ARMH3: variants seen among roughly 807,000 people sequenced by gnomAD.
ARMH3 encodes armadillo-like helical domain-containing protein 3.
In ARMH3, 60 loss-of-function variants were observed where a neutral mutation model predicts 99.1. That is an observed-to-expected ratio of 0.61 (90% CI 0.49 to 0.75). ARMH3 has a LOEUF of 0.75. ARMH3 is among the 30% of genes least tolerant of loss of function. The pLI, the probability that ARMH3 is intolerant of heterozygous loss-of-function variation, is 0.00. For missense variants in ARMH3, 679 were observed against 843.1 expected (o/e 0.81, Z 2.41); for synonymous variants, 285 against 292.8 (o/e 0.97, Z 0.27).
chr10:102,053,343 A>AT (rs1483363777), intron 1 of ARMH3, among the ~76,000 whole-genome samples: 1 of 151,592 alleles, frequency 6.6e-6, no homozygotes, highest in Non-Finnish European at 1.5e-5. Flanking sequence ...ATTTAAAATA[A>AT]TTTTTTTTCC....
rs185507197 is a variant in ARMH3 at position 101,947,333 on chromosome 10, C to T, written c.1706-7395G>A. Among the ~76,000 whole-genome samples the T allele has an allele frequency of 1.7e-3, 264 of 151,932 alleles. 1 individual carries two copies. The highest frequency in any genetic ancestry group is 5.9e-3 in the African/African-American group (244 of 41,432). ...CAAAGTACTTAAAGATAAAAATTAC[C>T]AACTAAAAATTCTATATCCAGCTGG... On this transcript the variant is annotated intron_variant, in intron 22 of 25. Coordinates refer to ENST00000370033, the MANE Select transcript of ARMH3 (RefSeq NM_024541.3).
chr10:101,869,163 T>A (rs1409343617), intron 24 of ARMH3, among the ~76,000 whole-genome samples: 1 of 152,084 alleles, frequency 6.6e-6, no homozygotes, highest in Non-Finnish European at 1.5e-5. Context: ...AATTTTCAAC[T>A]GCACAGGGGG....
At chr10:102,026,518 A>G (rs922425704) in intron 5 of ARMH3, among the ~76,000 whole-genome samples, 1 of 152,222 alleles carries the variant, frequency 6.6e-6, no homozygotes, top group African/African-American at 2.4e-5. Context: ...TGAAAATTCA[A>G]TAGGAATTGG....
At chr10:101,918,156 C>T (rs925455245) in intron 23 of ARMH3, among the ~76,000 whole-genome samples, 8 of 152,198 alleles carry the variant, frequency 5.3e-5, no homozygotes, top group Admixed American at 1.3e-4. Flanking sequence ...CGGCTTCAGG[C>T]GATTCTCCTG....
At chr10:101,994,604 C>T (rs543932595) in intron 16 of ARMH3, among the ~76,000 whole-genome samples, 2 of 152,322 alleles carry the variant, frequency 1.3e-5, no homozygotes, top group East Asian at 3.9e-4. Context: ...TCTTAAAAAG[C>T]CAAAGCATCT....
intron 23 of ARMH3, among the ~76,000 whole-genome samples, chr10:101,897,417 A>G (rs1421939117): frequency 6.6e-6 from 1 of 152,264 alleles, no homozygotes; most frequent in Non-Finnish European, 1.5e-5. Context: ...CATCCCAGGA[A>G]AAAAGGTGGC....
intron 19 of ARMH3, among the ~76,000 whole-genome samples, chr10:101,980,587 C>T (rs908737263): frequency 6.6e-6 from 1 of 152,178 alleles, no homozygotes; most frequent in Non-Finnish European, 1.5e-5. Context: ...GCGGGAGCCA[C>T]CGTGCCCAGC....
chr10:101,884,062 A>G (rs1391007736), intron 24 of ARMH3, among the ~76,000 whole-genome samples: 5 of 151,958 alleles, frequency 3.3e-5, no homozygotes, highest in African/African-American at 4.8e-5. Context: ...CTAGCGAGGG[A>G]CAAGCTGAAG....
rs201413967 is a variant in ARMH3 at position 101,848,770 on chromosome 10, TCA to T, written c.1977+1004_1977+1005del. ...CGCTCCCGTAACCCTCTCCAGCTCC[TCA>T]CAGATTGCTCTCTGTTAACCATTTG... On this transcript the variant is annotated intron_variant, in intron 25 of 25. Coordinates refer to ENST00000370033, the MANE Select transcript of ARMH3 (RefSeq NM_024541.3). Among the ~76,000 whole-genome samples, 1,448 of 152,264 alleles carry T rather than the reference TCA, an allele frequency of 9.5e-3. 10 individuals carry two copies. The highest frequency in any genetic ancestry group is 0.02 in the Middle Eastern group (6 of 294).
chr10:102,009,898 T>C, intron 12 of ARMH3, 79 bp downstream of exon 12: 2 of 1,316,720 alleles, frequency 1.5e-6, no homozygotes, highest in South Asian at 2.5e-5. Flanking sequence ...TAGCAAGAGG[T>C]AACACTGCAC....
intron 20 of ARMH3, 146 bp downstream of exon 20, chr10:101,975,066 A>AC: frequency 2.4e-6 from 1 of 409,610 alleles, no homozygotes; most frequent in African/African-American, 2.1e-5. Flanking sequence ...AAAAAAAAAA[A>AC]AAAAAAAAGA....
chr10:101,960,708 G>A (rs1235285238), intron 20 of ARMH3, among the ~76,000 whole-genome samples: 1 of 151,892 alleles, frequency 6.6e-6, no homozygotes, highest in Non-Finnish European at 1.5e-5. Flanking sequence ...GGCCAAGATG[G>A]TGAAACCCCG....
intron 24 of ARMH3, among the ~76,000 whole-genome samples, chr10:101,880,693 C>G (rs2067392480): frequency 6.6e-6 from 1 of 152,102 alleles, no homozygotes. Context: ...TACTAGTACG[C>G]CAAGGACCAA....
chr10:101,847,600 G>A lies in ARMH3; in HGVS notation c.1998C>T (p.Asn666=), dbSNP rs2066491391. The change falls in exon 26 of 26, where the codon AAC becomes AAT. Residue 666 remains asparagine (N), a synonymous_variant. Transcript: ENST00000370033. ...TGTGGAAGGCCAGGTTTCTCCGGAC[G>A]TTGGTGCTAATGGATCGAACCTGGG... ...FKELVRSIST[N]VRRNLAFHTL... The A allele has an allele frequency of 3.7e-6, 6 of 1,614,184 alleles. No homozygotes were observed. The highest frequency in any genetic ancestry group is 2.2e-5 in the East Asian group (1 of 44,886).
At position 101,953,754 on chromosome 10, in the gene ARMH3, C is replaced by T. The variant is rs139686824; in HGVS notation, c.1705+2843G>A. On this transcript the variant is annotated intron_variant, in intron 22 of 25. Transcript: ENST00000370033. Reference sequence around the variant, plus strand: ...AAGTGCTGGATATGATATGGAATGACGACAACTTTCATGCATTGCTGGAGA... The same window carrying T: ...AAGTGCTGGATATGATATGGAATGATGACAACTTTCATGCATTGCTGGAGA... Among the ~76,000 whole-genome samples, 596 of 152,050 alleles carry T rather than the reference C, an allele frequency of 3.9e-3. 1 individual carries two copies. Among genetic ancestry groups the T allele is most frequent in the Non-Finnish European group, 6.0e-3 (407 of 67,988 alleles).
intron 23 of ARMH3, among the ~76,000 whole-genome samples, chr10:101,938,944 A>G (rs1844117897): frequency 6.6e-6 from 1 of 152,208 alleles, no homozygotes; most frequent in African/African-American, 2.4e-5. Context: ...GATGTGCCAA[A>G]CAGGGTAGTA....
chr10:101,900,692 G>A (rs573111413), intron 23 of ARMH3, among the ~76,000 whole-genome samples: 3 of 152,174 alleles, frequency 2.0e-5, no homozygotes, highest in Non-Finnish European at 2.9e-5. Context: ...CAAAAATAAA[G>A]GCGAATTGGC....
chr10:102,040,320 G>A (rs1293088993), intron 1 of ARMH3, among the ~76,000 whole-genome samples, 195 bp from the exon 2 acceptor site: 2 of 152,166 alleles, frequency 1.3e-5, no homozygotes, highest in Non-Finnish European at 1.5e-5. Flanking sequence ...CCACTCTAGT[G>A]GGGGATGTTG....
At chr10:102,024,942 C>A (rs1473277170) in intron 6 of ARMH3, among the ~76,000 whole-genome samples, 2 of 152,076 alleles carry the variant, frequency 1.3e-5, no homozygotes, top group Non-Finnish European at 2.9e-5. Flanking sequence ...AGTAAAATAT[C>A]ACATAGCCTG....
Sources: allele counts gnomAD v4.1 joint callset (sites outside exome capture counted in the v4.1 genomes callset), GRCh38; gene constraint gnomAD v4.1.1; transcripts MANE v1.5; gene names NCBI Gene and HGNC (gene_info 2026-07-23, HGNC 2026-07-21).